DLG2: variants seen among roughly 807,000 people sequenced by gnomAD.
DLG2 encodes disks large homolog 2.
Under a neutral mutation model 132.5 loss-of-function variants are expected in DLG2, and 45 were observed. The ratio of observed to expected loss-of-function variants is 0.34; its 90% CI spans 0.27 to 0.44. The LOEUF (loss-of-function observed/expected upper bound fraction) is 0.44. Among genes scored for constraint, DLG2 ranks in the 20% least tolerant of loss-of-function variants. The pLI is 1.00. For missense variants in DLG2, 1,045 were observed against 1,196.9 expected, an observed-to-expected ratio of 0.87 and a Z score of 1.87; for synonymous variants, 424 against 419.6, an observed-to-expected ratio of 1.01 and a Z score of -0.13.
At chr11:84,812,113 T>C (rs1050364859) in intron 6 of DLG2, among the ~76,000 whole-genome samples, 1 of 152,158 alleles carries the variant, frequency 6.6e-6, no homozygotes, top group Admixed American at 6.6e-5. Context: ...AACAGCATGA[T>C]CCAGACAAAT....
chr11:84,286,736 G>C (rs1207141826), intron 7 of DLG2, among the ~76,000 whole-genome samples: 1 of 152,196 alleles, frequency 6.6e-6, no homozygotes, highest in Non-Finnish European at 1.5e-5. Flanking sequence ...TCTGAGTGAG[G>C]ACAGGGAATG....
intron 6 of DLG2, among the ~76,000 whole-genome samples, chr11:84,741,494 C>G (rs2064667272): frequency 6.6e-6 from 1 of 150,876 alleles, no homozygotes; most frequent in Admixed American, 6.6e-5. Flanking sequence ...CAAAGTCACA[C>G]CACCACCACC....
At chr11:85,431,717 C>T (rs1006206443) in intron 3 of DLG2, among the ~76,000 whole-genome samples, 1 of 152,250 alleles carries the variant, frequency 6.6e-6, no homozygotes, top group Admixed American at 6.5e-5. Context: ...CATGAACCAG[C>T]AGACATAGTC....
chr11:84,595,534 C>A (rs1349527173), intron 6 of DLG2, among the ~76,000 whole-genome samples: 1 of 151,126 alleles, frequency 6.6e-6, no homozygotes, highest in Non-Finnish European at 1.5e-5. Context: ...AGCATTCAAG[C>A]AACTGAACCT....
At chr11:85,136,509 T>C (rs193025141) in intron 5 of DLG2, among the ~76,000 whole-genome samples, 7 of 152,302 alleles carry the variant, frequency 4.6e-5, no homozygotes, top group East Asian at 1.9e-4. Context: ...CAGTGCTCAG[T>C]TGGGCCTGTG....
intron 3 of DLG2, among the ~76,000 whole-genome samples, chr11:85,394,241 G>C (rs2087078188): frequency 6.6e-6 from 1 of 152,062 alleles, no homozygotes; most frequent in Admixed American, 6.6e-5. Context: ...GATTGATTTA[G>C]CCATTCCACT....
intron 6 of DLG2, among the ~76,000 whole-genome samples, chr11:84,934,263 A>T (rs1169131507): frequency 6.6e-6 from 1 of 151,950 alleles, no homozygotes; most frequent in Non-Finnish European, 1.5e-5. Context: ...GTGCTACTGG[A>T]TTCAGTTTGC....
chr11:84,390,441 G>C (rs1421607776), intron 7 of DLG2, among the ~76,000 whole-genome samples: 2 of 152,154 alleles, frequency 1.3e-5, no homozygotes, highest in African/African-American at 2.4e-5. Context: ...AGTGTGGTTA[G>C]GCTTGAATGC....
intron 6 of DLG2, among the ~76,000 whole-genome samples, chr11:84,921,836 T>G (rs1245777415): frequency 6.6e-6 from 1 of 152,178 alleles, no homozygotes; most frequent in African/African-American, 2.4e-5. Flanking sequence ...TTTCATATTT[T>G]TAATTATTTT....
chr11:83,603,947 C>T (rs2058952994), intron 19 of DLG2, among the ~76,000 whole-genome samples: 1 of 152,102 alleles, frequency 6.6e-6, no homozygotes, highest in South Asian at 2.1e-4. Flanking sequence ...CATTTCACCT[C>T]AGAAAAGTCA....
intron 3 of DLG2, among the ~76,000 whole-genome samples, chr11:85,552,531 C>A (rs2076724349): frequency 6.6e-6 from 1 of 151,140 alleles, no homozygotes; most frequent in African/African-American, 2.4e-5. Flanking sequence ...AATAATTATT[C>A]TTGATATTAT....
chr11:85,511,263 C>A (rs1052076742), intron 3 of DLG2, among the ~76,000 whole-genome samples: 1 of 151,820 alleles, frequency 6.6e-6, no homozygotes, highest in African/African-American at 2.4e-5. Context: ...AGGAGATGTA[C>A]CTAATGCTAA....
At chr11:84,049,445 C>T (rs891872555) in intron 11 of DLG2, among the ~76,000 whole-genome samples, 1 of 151,752 alleles carries the variant, frequency 6.6e-6, no homozygotes, top group Admixed American at 6.6e-5. Context: ...CTCATACGGA[C>T]TCTTCGCAGT....
intron 6 of DLG2, among the ~76,000 whole-genome samples, chr11:84,671,655 AC>A (rs2099706035): frequency 6.6e-6 from 1 of 152,150 alleles, no homozygotes; most frequent in South Asian, 2.1e-4. Flanking sequence ...ATAAAAAGTG[AC>A]TTGTGCAGAA....
At chr11:85,142,573 A>T (rs1027648402) in intron 5 of DLG2, among the ~76,000 whole-genome samples, 1 of 151,590 alleles carries the variant, frequency 6.6e-6, no homozygotes, top group East Asian at 1.9e-4. Context: ...TCATTTAATT[A>T]CTCTAGCTAG....
At chr11:83,821,091 A>G (rs778842322) in intron 17 of DLG2, among the ~76,000 whole-genome samples, 27 of 152,214 alleles carry the variant, frequency 1.8e-4, no homozygotes, top group Non-Finnish European at 3.8e-4. Flanking sequence ...TCTGGGATGC[A>G]ATGATGATGC....
intron 15 of DLG2, among the ~76,000 whole-genome samples, chr11:83,914,068 T>A (rs1024423485): frequency 5.9e-5 from 9 of 152,064 alleles, no homozygotes; most frequent in African/African-American, 2.2e-4. Flanking sequence ...TGATGCTTGG[T>A]GATATAGTTT....
intron 5 of DLG2, among the ~76,000 whole-genome samples, chr11:85,122,938 C>CTATATATATATTATATATATATTATA (rs2074511009): frequency 2.4e-5 from 1 of 41,468 alleles, no homozygotes; most frequent in Non-Finnish European, 4.2e-5. Flanking sequence ...GTATGTGTGT[C>CTATATATATATTATATATATATTATA]TGTATATATA....
chr11:83,593,385 A>G (rs1054947844), intron 19 of DLG2, among the ~76,000 whole-genome samples: 2 of 151,736 alleles, frequency 1.3e-5, no homozygotes, highest in Non-Finnish European at 2.9e-5. Flanking sequence ...TCAGTAAACT[A>G]TCGCAAGAAC....
Sources: allele counts gnomAD v4.1 joint callset (sites outside exome capture counted in the v4.1 genomes callset), GRCh38; gene constraint gnomAD v4.1.1; transcripts MANE v1.5; gene names NCBI Gene and HGNC (gene_info 2026-07-23, HGNC 2026-07-21).